NLGN4X: variants seen among roughly 807,000 people sequenced by gnomAD.
NLGN4X encodes neuroligin-4, X-linked.
In NLGN4X, 3 loss-of-function variants were observed where a neutral mutation model predicts 40.3. That is an observed-to-expected ratio of 0.07 (90% confidence interval 0.03 to 0.19). The LOEUF (loss-of-function observed/expected upper bound fraction) is 0.19, where lower values mean the gene tolerates loss of function less well. NLGN4X is among the 10% of genes least tolerant of loss of function. The pLI is 1.00. For missense variants in NLGN4X, 382 were observed against 708.3 expected, an observed-to-expected ratio of 0.54 and a Z score of 5.23; for synonymous variants, 270 against 306.8, an observed-to-expected ratio of 0.88 and a Z score of 1.25.
intron 2 of NLGN4X, among the ~76,000 whole-genome samples, chrX:6,081,595 G>C (rs1016481255): frequency 8.9e-6 from 1 of 111,889 alleles, no homozygotes; most frequent in Admixed American, 9.5e-5. Flanking sequence ...TAAAGGGGAG[G>C]GGAATATGAG....
intron 2 of NLGN4X, among the ~76,000 whole-genome samples, chrX:6,061,028 G>C (rs2037754986): frequency 8.9e-6 from 1 of 112,087 alleles, no homozygotes; most frequent in East Asian, 2.8e-4. Flanking sequence ...ATAGCTAATT[G>C]ACTTGCTTTG....
intron 2 of NLGN4X, among the ~76,000 whole-genome samples, chrX:6,089,652 G>A (rs2038588780): frequency 8.9e-6 from 1 of 112,508 alleles, no homozygotes; most frequent in East Asian, 2.8e-4. Context: ...CCCCAAAGGG[G>A]TATGTGTTGG....
intron 2 of NLGN4X, among the ~76,000 whole-genome samples, chrX:6,144,326 C>G (rs1333772629): frequency 9.0e-6 from 1 of 111,027 alleles, no homozygotes; most frequent in Non-Finnish European, 1.9e-5. Context: ...ACTTCAGAGA[C>G]TCTGAACTTT....
chrX:6,186,043 C>A (rs763217770), intron 1 of NLGN4X, among the ~76,000 whole-genome samples: 1 of 112,608 alleles, frequency 8.9e-6, no homozygotes, highest in South Asian at 3.6e-4. Flanking sequence ...ATTCCTAATA[C>A]AAAAGCATAT....
intron 3 of NLGN4X, among the ~76,000 whole-genome samples, chrX:6,025,340 T>C (rs766286983): frequency 8.9e-6 from 1 of 111,779 alleles, no homozygotes; most frequent in East Asian, 2.8e-4. Flanking sequence ...ATAGCAAACA[T>C]GATGATCTTC....
chrX:6,163,086 C>T (rs182064618), intron 1 of NLGN4X, among the ~76,000 whole-genome samples: 133 of 111,499 alleles, frequency 1.2e-3, no homozygotes, highest in Middle Eastern at 4.6e-3. Context: ...TTTTGCCTTC[C>T]GCCATGTAAG....
At chrX:6,073,654 G>A (rs2038121962) in intron 2 of NLGN4X, among the ~76,000 whole-genome samples, 2 of 111,038 alleles carry the variant, frequency 1.8e-5, no homozygotes, top group Non-Finnish European at 3.8e-5. Flanking sequence ...AGACTGAGAT[G>A]CCCAGGACAC....
intron 2 of NLGN4X, among the ~76,000 whole-genome samples, chrX:6,084,147 C>T (rs758331628): frequency 4.5e-5 from 5 of 112,000 alleles, no homozygotes; most frequent in Non-Finnish European, 7.5e-5. Flanking sequence ...TGATAAAGTG[C>T]CCATCAAATT....
chrX:6,088,441 C>T (rs765744775), intron 2 of NLGN4X, among the ~76,000 whole-genome samples: 1 of 111,654 alleles, frequency 9.0e-6, no homozygotes, highest in Admixed American at 9.5e-5. Flanking sequence ...TGTTCTTCTC[C>T]GCATTTATTC....
At position 6,092,101 on chromosome X, in the gene NLGN4X, C is replaced by T. The variant is rs183664831; in HGVS notation, c.472+58894G>A. ...CCACTCCTATCATCAGCAGGTAACA[C>T]ATCACTCTGGGAGACCTTCCCTGAA... is the stretch of plus-strand genomic sequence containing the variant. On this transcript the variant is annotated intron_variant, in intron 2 of 5. Coordinates refer to ENST00000381095, the MANE Select transcript of NLGN4X (RefSeq NM_181332.3). 1.5e-4 allele frequency among the ~76,000 whole-genome samples: 16 copies of T among 106,875 alleles called. 1 individual carries two copies. In the Admixed American group the frequency reaches 1.5e-3, roughly 10 times the overall value. 92.8% of individuals were successfully genotyped at this position (106,875 alleles called of 115,157 possible).
At chrX:6,007,174 T>C (rs762906181) in intron 3 of NLGN4X, among the ~76,000 whole-genome samples, 40 of 111,931 alleles carry the variant, frequency 3.6e-4, no homozygotes, top group African/African-American at 1.2e-3. Context: ...GCAACATGTA[T>C]GAAACTGGGT....
intron 3 of NLGN4X, among the ~76,000 whole-genome samples, chrX:5,971,904 C>T (rs1362954437): frequency 9.0e-6 from 1 of 111,459 alleles, no homozygotes; most frequent in Non-Finnish European, 1.9e-5. Flanking sequence ...TGAAGGATGA[C>T]AATATTTCAA....
chrX:6,032,899 G>A, intron 2 of NLGN4X: 1 of 329,319 alleles, frequency 3.0e-6, no homozygotes, highest in Non-Finnish European at 5.1e-6. Flanking sequence ...TGTTACATTT[G>A]GATTTCAAAA....
At chrX:6,084,403 C>T (rs1199687538) in intron 2 of NLGN4X, among the ~76,000 whole-genome samples, 1 of 111,249 alleles carries the variant, frequency 9.0e-6, no homozygotes, top group East Asian at 2.8e-4. Flanking sequence ...AGGAGGAGTA[C>T]TTGGGTTGAT....
chrX:5,958,348 A>T (rs1456852336), intron 3 of NLGN4X, among the ~76,000 whole-genome samples: 1 of 111,620 alleles, frequency 9.0e-6, no homozygotes, highest in Non-Finnish European at 1.9e-5. Context: ...TTAAAAAAAA[A>T]TCTGTCATTA....
At position 6,086,483 on chromosome X, in the gene NLGN4X, T is replaced by C. The variant is rs376288064; in HGVS notation, c.473-57051A>G. On this transcript the variant is annotated intron_variant, in intron 2 of 5. Transcript: ENST00000381095. ...CTGTAACACTGAACCACAGCAGAAC[T>C]TTTTGGAACTTCTGAGATTCCTTGC... 1.4e-3 allele frequency among the ~76,000 whole-genome samples: 154 copies of C among 111,980 alleles called. No individual in the cohort carries two copies. In the Middle Eastern group the frequency reaches 0.032, roughly 23 times the overall value.
chrX:5,905,690 T>A (rs371544063), intron 4 of NLGN4X, among the ~76,000 whole-genome samples: 7 of 112,225 alleles, frequency 6.2e-5, no homozygotes, highest in African/African-American at 2.3e-4. Context: ...CTATATTTAT[T>A]TTTATTTTAG....
chrX:5,925,881 C>CATACACAT (rs2033273089), intron 3 of NLGN4X, among the ~76,000 whole-genome samples: 1 of 19,518 alleles, frequency 5.1e-5, no homozygotes, highest in Non-Finnish European at 1.0e-4. Context: ...TACATACACA[C>CATACACAT]ATATATATAT....
chrX:6,038,412 A>G (rs112248737), intron 2 of NLGN4X, among the ~76,000 whole-genome samples: 16,028 of 112,037 alleles, frequency 0.14, 1,034 homozygotes, highest in Non-Finnish European at 0.2. Context: ...AGCTGGGGAA[A>G]ATATTCCATG....
Sources: gnomAD v4.1 joint callset for allele counts (sites outside exome capture counted in the v4.1 genomes callset) on GRCh38, gnomAD v4.1.1 for gene constraint, MANE v1.5 for transcripts, NCBI Gene and HGNC (gene_info 2026-07-23, HGNC 2026-07-21) for gene names.